The following COG5 variants were observed in gnomAD, a reference collection of about 807,000 sequenced individuals.
The protein encoded by COG5 is component of oligomeric golgi complex 5.
A neutral mutation model predicts 110.4 loss-of-function variants in COG5; 86 were observed. The observed-to-expected ratio is 0.78, with a 90% CI of 0.65 to 0.93. The LOEUF is 0.93. COG5 is among the 40% of genes least tolerant of loss of function. The pLI, the probability that COG5 is intolerant of heterozygous loss-of-function variation, is 0.00. For synonymous variants in COG5, 360 were observed against 334.6 expected (o/e 1.08, Z -0.83); for missense variants, 1,077 against 987.0 (o/e 1.09, Z -1.22).
At chr7:107,290,954 C>A (rs1485090723) in intron 12 of COG5, among the ~76,000 whole-genome samples, 1 of 152,134 alleles carries the variant, frequency 6.6e-6, no homozygotes, top group Non-Finnish European at 1.5e-5. Flanking sequence ...CCGCACCCAG[C>A]CGATTGTATA....
In COG5 at chr7:107,549,457, T is replaced by TC. The variant is rs566046662; in HGVS notation, c.293-1126dup. The stretch of plus-strand genomic sequence containing the variant: ...CCCAGGCTGGAGTGCAGTGGCTTGA[T>TC]CCCCCCTCACTGCATGCTCCGCCTC... On this transcript the variant is annotated intron_variant, in intron 3 of 21. Coordinates refer to ENST00000297135, the MANE Select transcript of COG5 (RefSeq NM_006348.5). Among the ~76,000 whole-genome samples the TC allele has an allele frequency of 3.7e-3, 555 of 151,898 alleles. 3 individuals are homozygous for TC. Among genetic ancestry groups the TC allele is most frequent in the Middle Eastern group, 0.017 (5 of 292 alleles).
intron 13 of COG5, 110 bp from the exon 14 acceptor site, chr7:107,281,509 G>T (rs940897824): frequency 1.2e-6 from 1 of 803,416 alleles, no homozygotes; most frequent in African/African-American, 1.7e-5. Context: ...TCTTTTTATA[G>T]ATTTCACTGC....
At chr7:107,511,359 T>C (rs1051596271) in intron 6 of COG5, among the ~76,000 whole-genome samples, 2 of 152,210 alleles carry the variant, frequency 1.3e-5, no homozygotes, top group Non-Finnish European at 2.9e-5. Context: ...AAGTTGAATC[T>C]CTGAATAGAC....
rs925827251 is a variant in COG5, at chr7:107,220,857, G to A, written c.2169-9632C>T. 9.5e-5 allele frequency among the ~76,000 whole-genome samples: 13 copies of A among 137,020 alleles called. No individual in the cohort carries two copies. The East Asian group carries it at 1.7e-3, about 18-fold the overall frequency. The allele number at this position is 137,020 out of a possible 152,430, so 89.9% of individuals were successfully genotyped here. A position where few individuals can be genotyped will look rare whatever the true frequency, so the allele number is the denominator to read the frequency against. On this transcript the variant is annotated intron_variant, in intron 19 of 21. Coordinates refer to ENST00000297135, the MANE Select transcript of COG5 (RefSeq NM_006348.5). The stretch of plus-strand genomic sequence containing the variant: ...TTTTTTGAGGCAGTCTCGCTTTGTC[G>A]CCCAGGCTGGAATGCAGTGGTGCAA...
chr7:107,529,503 C>A (rs796080262), intron 5 of COG5, among the ~76,000 whole-genome samples: 13 of 152,228 alleles, frequency 8.5e-5, no homozygotes, highest in African/African-American at 3.1e-4. Context: ...GGGGGCACTC[C>A]ACCTGAAAAA....
chr7:107,395,541 C>CTTTTT (rs67581814), intron 7 of COG5, among the ~76,000 whole-genome samples: 12 of 50,040 alleles, frequency 2.4e-4, no homozygotes, highest in Non-Finnish European at 3.8e-4. Flanking sequence ...TGAAGCAGAT[C>CTTTTT]TTTTTTTTTT....
chr7:107,379,468 C>T (rs111499830), intron 7 of COG5, among the ~76,000 whole-genome samples: 7 of 151,818 alleles, frequency 4.6e-5, no homozygotes, highest in Non-Finnish European at 7.4e-5. Context: ...TTAAAAGACA[C>T]GGACTAGTAA....
chr7:107,227,694 T>A (rs891603058), intron 19 of COG5, among the ~76,000 whole-genome samples: 1 of 151,560 alleles, frequency 6.6e-6, no homozygotes, highest in Non-Finnish European at 1.5e-5. Context: ...TTAGCACTAT[T>A]TTTTTTTGGG....
At chr7:107,398,413 A>G (rs549311336) in intron 7 of COG5, among the ~76,000 whole-genome samples, 13 of 152,302 alleles carry the variant, frequency 8.5e-5, no homozygotes, top group Admixed American at 5.2e-4. Flanking sequence ...TTATAACCTG[A>G]GCTCTGCCTC....
chr7:107,476,368 C>G (rs1396932482), intron 6 of COG5, among the ~76,000 whole-genome samples: 1 of 150,750 alleles, frequency 6.6e-6, no homozygotes, highest in Non-Finnish European at 1.5e-5. Context: ...TAGATACATA[C>G]AACTTTAGGG....
intron 6 of COG5, among the ~76,000 whole-genome samples, chr7:107,512,137 C>T (rs1191694644): frequency 6.6e-6 from 1 of 152,156 alleles, no homozygotes; most frequent in Non-Finnish European, 1.5e-5. Flanking sequence ...GATTGTATAT[C>T]TAGAAAACCC....
At chr7:107,538,937 AG>A (rs1801783402) in intron 5 of COG5, among the ~76,000 whole-genome samples, 1 of 152,210 alleles carries the variant, frequency 6.6e-6, no homozygotes, top group South Asian at 2.1e-4. Flanking sequence ...ATATAAGTAA[AG>A]AAGTACCTAA....
chr7:107,497,713 C>T (rs1169906851), intron 6 of COG5, among the ~76,000 whole-genome samples: 1 of 152,100 alleles, frequency 6.6e-6, no homozygotes, highest in African/African-American at 2.4e-5. Flanking sequence ...AATTTCCCTA[C>T]TATTCAAAGT....
At chr7:107,371,337 C>T (rs1226651702) in intron 8 of COG5, among the ~76,000 whole-genome samples, 1 of 152,062 alleles carries the variant, frequency 6.6e-6, no homozygotes, top group African/African-American at 2.4e-5. Context: ...TGCCTGCAAT[C>T]CCAACACTTT....
At chr7:107,267,337 C>G (rs1562941581) in intron 14 of COG5, among the ~76,000 whole-genome samples, 1 of 152,150 alleles carries the variant, frequency 6.6e-6, no homozygotes, top group Non-Finnish European at 1.5e-5. Context: ...AATCTATTAT[C>G]CTCTCTAAGA....
intron 17 of COG5, among the ~76,000 whole-genome samples, chr7:107,241,065 A>G (rs80055315): frequency 0.02 from 2,982 of 152,346 alleles, 102 homozygotes; most frequent in African/African-American, 0.066. Flanking sequence ...CTAGAATTTA[A>G]GCAAATTAGT....
rs999584978 is a variant in COG5 at position 107,371,615 on chromosome 7, A to G, written c.835+980T>C. Among the ~76,000 whole-genome samples the G allele has an allele frequency of 6.6e-5, 10 of 152,326 alleles. No individual in the cohort carries two copies. In the South Asian group the frequency reaches 8.3e-4, roughly 13 times the overall value. ...AAAACCAGAAACATTAACTATAGATAACATTTTGGGAAATTTTCCTGAAGA... is the reference window on the plus strand; with the variant it reads ...AAAACCAGAAACATTAACTATAGATGACATTTTGGGAAATTTTCCTGAAGA... On this transcript the variant is annotated intron_variant, in intron 8 of 21. Transcript: ENST00000297135.
In COG5 at chr7:107,275,453, CT is replaced by C. The variant is rs756754231; in HGVS notation, c.1575+5846del. On this transcript the variant is annotated intron_variant, in intron 14 of 21. Coordinates refer to ENST00000297135, the MANE Select transcript of COG5 (RefSeq NM_006348.5). ...CAAGTGATTTCATATTGCCTTTGAT[CT>C]TTTTTTTTTTGCATATTAACAACAT... is the stretch of plus-strand genomic sequence containing the variant. Among the ~76,000 whole-genome samples the C allele has an allele frequency of 4.4e-3, 638 of 145,152 alleles. 2 individuals are homozygous for C. The highest frequency in any genetic ancestry group is 7.5e-3 in the African/African-American group (298 of 39,868).
intron 7 of COG5, among the ~76,000 whole-genome samples, chr7:107,399,034 T>C (rs7786809): frequency 0.019 from 2,837 of 152,108 alleles, 84 homozygotes; most frequent in African/African-American, 0.063. Flanking sequence ...AAACCACGTC[T>C]CTACTAAAAA....
Sources: gnomAD v4.1 joint callset for allele counts (sites outside exome capture counted in the v4.1 genomes callset) on GRCh38, gnomAD v4.1.1 for gene constraint, MANE v1.5 for transcripts, NCBI Gene and HGNC (gene_info 2026-07-23, HGNC 2026-07-21) for gene names.